The following ALLC variants were observed in gnomAD, a reference collection of about 807,000 sequenced individuals.
The protein encoded by ALLC is allantoicase.
In ALLC, 40 loss-of-function variants were observed where a neutral mutation model predicts 45.0. The observed-to-expected ratio is 0.89, with a 90% CI of 0.69 to 1.16. The LOEUF is 1.16. ALLC is among the 50% of genes most tolerant of loss of function. ALLC has a pLI of 0.00. For missense variants in ALLC, 488 were observed against 493.1 expected (o/e 0.99, Z 0.10); for synonymous variants, 176 against 178.1 (o/e 0.99, Z 0.09).
At chr2:3,675,193 A>G (rs1430213702) in intron 3 of ALLC, among the ~76,000 whole-genome samples, 1 of 152,150 alleles carries the variant, frequency 6.6e-6, no homozygotes. Context: ...GGAGTTTGGG[A>G]CCAGCCTGGG....
At position 3,695,747 on chromosome 2, in the gene ALLC, G is replaced by T. The variant is rs779592249; in HGVS notation, c.542G>T (p.Gly181Val). The T allele has an allele frequency of 4.3e-6, 7 of 1,613,904 alleles. No individual in the cohort carries two copies. In the African/African-American group the frequency reaches 9.3e-5, roughly 22 times the overall value. ...DGGIARLRVF[G>V]TGQKDWTATD... The stretch of plus-strand genomic sequence containing the variant: ...GGAATTGCACGACTTAGAGTATTCG[G>T]TACTGGACAAAAAGACTGGACTGCA... The change falls in exon 8 of 12, where the codon GGT (glycine) becomes GTT (valine). Residue 181 changes from glycine to valine, a missense_variant. Coordinates refer to ENST00000252505, the MANE Select transcript of ALLC (RefSeq NM_018436.4).
chr2:3,650,651 C>T, the ALLC span, among the ~76,000 whole-genome samples: 8 of 152,182 alleles, frequency 5.3e-5, no homozygotes, highest in African/African-American at 1.2e-4. Context: ...TGGGGCGTCT[C>T]GCACTTGTCT....
intron 3 of ALLC, among the ~76,000 whole-genome samples, chr2:3,677,188 G>T (rs914159361): frequency 6.6e-6 from 1 of 152,144 alleles, no homozygotes; most frequent in African/African-American, 2.4e-5. Flanking sequence ...GTTCAGTAGC[G>T]TGTGTCCCCA....
intron 1 of ALLC, among the ~76,000 whole-genome samples, chr2:3,659,118 G>A (rs898851854): frequency 3.3e-5 from 5 of 152,172 alleles, no homozygotes; most frequent in Admixed American, 2.6e-4. Flanking sequence ...TTGGCCAAAG[G>A]CTTCTTCGGA....
chr2:3,702,050 C>T (rs1250306543), intron 11 of ALLC, among the ~76,000 whole-genome samples: 1 of 152,108 alleles, frequency 6.6e-6, no homozygotes, highest in African/African-American at 2.4e-5. Flanking sequence ...GAAATAATCT[C>T]CGGGAGAGAC....
chr2:3,653,939 A>G (rs1288000166), upstream of ALLC, among the ~76,000 whole-genome samples: 1 of 152,206 alleles, frequency 6.6e-6, no homozygotes, highest in African/African-American at 2.4e-5. This position sits in a 1 kb window ranked among gnomAD's most constrained non-coding sequence, Gnocchi z 4.1. Context: ...CCCACGATTA[A>G]TAGATCTTAG....
chr2:3,651,320 G>T, the ALLC span, among the ~76,000 whole-genome samples: 39 of 49,184 alleles, frequency 7.9e-4, 5 homozygotes, highest in African/African-American at 1.4e-3. Context: ...GGGTGGGGGG[G>T]GTGTGTGTGT....
chr2:3,697,468 G>C lies in ALLC; in HGVS notation c.850+12G>C, dbSNP rs775087836. On this transcript the variant is annotated intron_variant, in intron 10 of 11. Coordinates refer to ENST00000252505, the MANE Select transcript of ALLC (RefSeq NM_018436.4). ...AAAATATTTTGAAGGTAAATGCAAA[G>C]CCATAAAGAAGTACCCTATAATTGG... is the stretch of plus-strand genomic sequence containing the variant. The C allele has an allele frequency of 9.3e-5, 149 of 1,605,052 alleles. No individual in the cohort carries two copies. The highest frequency in any genetic ancestry group is 1.2e-4 in the Non-Finnish European group (141 of 1,172,050).
chr2:3,649,008 G>A, the ALLC span, among the ~76,000 whole-genome samples: 1 of 152,188 alleles, frequency 6.6e-6, no homozygotes, highest in African/African-American at 2.4e-5. Context: ...AGAAGCCTGG[G>A]TGCCAGGCAG....
At chr2:3,692,886 C>G (rs12623758) in intron 7 of ALLC, among the ~76,000 whole-genome samples, 13,852 of 152,094 alleles carry the variant, frequency 0.091, 673 homozygotes, top group African/African-American at 0.12. Context: ...TGAGTCAGGG[C>G]TGGGTCAAAT....
the ALLC span, among the ~76,000 whole-genome samples, chr2:3,651,305 TGGGTGGGTGGGG>T: frequency 0.045 from 1,041 of 23,370 alleles, 198 homozygotes; most frequent in African/African-American, 0.16. Flanking sequence ...TTTGGGTGGG[TGGGTGGGTGGGG>T]GGGGTGTGTG....
At chr2:3,646,700 C>T in the ALLC span, among the ~76,000 whole-genome samples, 1 of 152,202 alleles carries the variant, frequency 6.6e-6, no homozygotes. Flanking sequence ...TGGAGTCTTC[C>T]TACTGGTGCG....
intron 7 of ALLC, among the ~76,000 whole-genome samples, chr2:3,685,373 C>G (rs1452659112): frequency 2.0e-5 from 3 of 150,632 alleles, no homozygotes; most frequent in Non-Finnish European, 4.4e-5. Flanking sequence ...AGGAAACTTA[C>G]AATCATGGCA....
chr2:3,687,012 G>A (rs1667348149), intron 7 of ALLC, among the ~76,000 whole-genome samples: 2 of 150,800 alleles, frequency 1.3e-5, no homozygotes, highest in South Asian at 4.2e-4. Flanking sequence ...GTCTTGTTCC[G>A]GATCTTAGAG....
intron 6 of ALLC, among the ~76,000 whole-genome samples, chr2:3,682,614 C>T (rs997434705): frequency 3.3e-5 from 5 of 152,182 alleles, no homozygotes; most frequent in Non-Finnish European, 7.3e-5. Flanking sequence ...CAAGCTCCGC[C>T]TCCCAGGTTC....
At chr2:3,673,544 A>G (rs1666947745) in intron 2 of ALLC, among the ~76,000 whole-genome samples, 1 of 152,218 alleles carries the variant, frequency 6.6e-6, no homozygotes, top group African/African-American at 2.4e-5. Context: ...TGGAGTGACC[A>G]CAGCCTGTTT....
chr2:3,650,827 C>T, the ALLC span, among the ~76,000 whole-genome samples: 3 of 152,196 alleles, frequency 2.0e-5, no homozygotes, highest in Non-Finnish European at 4.4e-5. Context: ...ACAGTGAAGG[C>T]GCACGGGGCC....
At chr2:3,695,920 G>A (rs774611375) in intron 8 of ALLC, 48 bp downstream of exon 8, 12 of 1,539,280 alleles carry the variant, frequency 7.8e-6, no homozygotes, top group Admixed American at 5.9e-5. Flanking sequence ...TCTGGGTACC[G>A]GCATTAAATA....
chr2:3,651,410 T>A, the ALLC span, among the ~76,000 whole-genome samples: 7 of 47,840 alleles, frequency 1.5e-4, no homozygotes, highest in African/African-American at 2.0e-4. Flanking sequence ...TGTGTGTGTG[T>A]GTGTGTGTGT....
Sources: gnomAD v4.1 joint callset for allele counts (sites outside exome capture counted in the v4.1 genomes callset) on GRCh38, gnomAD v4.1.1 for gene constraint, Gnocchi (gnomAD v3.1) non-coding constraint, MANE v1.5 for transcripts, NCBI Gene and HGNC (gene_info 2026-07-23, HGNC 2026-07-21) for gene names.